Variants in ACSM3 observed in about 807,000 individuals in gnomAD.
ACSM3 encodes acyl-coenzyme A synthetase ACSM3, mitochondrial.
ACSM3 carries 61 observed loss-of-function variants against 74.1 expected under a neutral mutation model. The ratio of observed to expected loss-of-function variants is 0.82; its 90% CI spans 0.67 to 1.02. The LOEUF (loss-of-function observed/expected upper bound fraction) is 1.02. Among genes scored for constraint, ACSM3 ranks in the 50% least tolerant of loss-of-function variants. ACSM3 has a pLI of 0.00. For missense variants in ACSM3, 660 were observed against 697.0 expected (o/e 0.95, Z 0.60); for synonymous variants, 213 against 241.5 (o/e 0.88, Z 1.09).
intron 10 of ACSM3, 114 bp from the exon 11 acceptor site, chr16:20,791,888 A>G: frequency 1.6e-6 from 2 of 1,250,014 alleles, no homozygotes; most frequent in Non-Finnish European, 1.1e-6. Flanking sequence ...AGATCGTACT[A>G]CTGCACTCCA....
intron 1 of ACSM3, chr16:20,733,781 A>T (rs1324784758): frequency 6.6e-6 from 1 of 152,150 alleles, no homozygotes; most frequent in African/African-American, 2.4e-5. Flanking sequence ...TTTGAAAACC[A>T]AGTTTAACCT....
chr16:20,735,089 T>C (rs1199250099), intron 1 of ACSM3: 3 of 152,260 alleles, frequency 2.0e-5, no homozygotes, highest in Non-Finnish European at 2.9e-5. Flanking sequence ...AGTTTCCTTT[T>C]AGATCTAAGA....
At chr16:20,792,528 GACAA>G (rs2080626390) in intron 12 of ACSM3, 193 bp downstream of exon 12, 1 of 985,046 alleles carries the variant, frequency 1.0e-6, no homozygotes. Flanking sequence ...GATCCTAACA[GACAA>G]ACAAAATAAG....
chr16:20,697,239 A>AT (rs915018773), intron 1 of ACSM3, among the ~76,000 whole-genome samples: 4 of 151,792 alleles, frequency 2.6e-5, no homozygotes, highest in African/African-American at 9.7e-5. Context: ...TGCTTGGATA[A>AT]TTTTTTTTAG....
At chr16:20,702,711 T>C (rs35974780) in intron 1 of ACSM3, 19,850 of 152,220 alleles carry the variant, frequency 0.13, 1,368 homozygotes, top group East Asian at 0.21. Context: ...TTCTGGATAT[T>C]AGCCATTTGT....
chr16:20,784,966 A>G lies in ACSM3; in HGVS notation c.1020-18A>G. The G allele has an allele frequency of 6.9e-6, 11 of 1,602,626 alleles. No homozygotes were observed. Among genetic ancestry groups the G allele is most frequent in the Non-Finnish European group, 9.4e-6 (11 of 1,175,890 alleles). On this transcript the variant is annotated intron_variant, in intron 7 of 13. Transcript: ENST00000289416. ...CCATTTTTCCTCCTAAATCTAACTT[A>G]TCTGGTTTTCTGAGAAGCTATAAGT...
intron 12 of ACSM3, 160 bp from the exon 13 acceptor site, chr16:20,796,210 G>A: frequency 2.4e-6 from 3 of 1,262,630 alleles, no homozygotes; most frequent in Non-Finnish European, 3.2e-6. Flanking sequence ...GTACAGACCA[G>A]GAAGTGGCTG....
In ACSM3 at chr16:20,797,499, GT is replaced by G. The variant is rs1325453000; in HGVS notation, c.*530del. 1 of 1,133,046 alleles carries G rather than the reference GT, an allele frequency of 8.8e-7. No individual in the cohort carries two copies. Among genetic ancestry groups the G allele is most frequent in the Non-Finnish European group, 1.1e-6 (1 of 924,854 alleles). The allele number at this position is 1,133,046 out of a possible 1,614,324, so 70.2% of individuals were successfully genotyped here. A position where few individuals can be genotyped will look rare whatever the true frequency, so the allele number is the denominator to read the frequency against. ...AATAATTTAAAAATAGTTTAGACTT[GT>G]TTCAAGGTCTAACTATAAAAGAAGG... On this transcript the variant is annotated 3_prime_UTR_variant, in exon 14 of 14. Coordinates refer to ENST00000289416, the MANE Select transcript of ACSM3 (RefSeq NM_005622.4).
chr16:20,789,058 G>GATTT (rs2080536032), intron 9 of ACSM3, among the ~76,000 whole-genome samples: 1 of 152,136 alleles, frequency 6.6e-6, no homozygotes, highest in Non-Finnish European at 1.5e-5. Context: ...GCAGAATTTT[G>GATTT]ATACTTAGAA....
At chr16:20,678,423 G>T (rs2079357897) in intron 1 of ACSM3, among the ~76,000 whole-genome samples, 1 of 152,044 alleles carries the variant, frequency 6.6e-6, no homozygotes, top group African/African-American at 2.4e-5. Context: ...CCATGACAAG[G>T]GCTTACTCCA....
intron 1 of ACSM3, among the ~76,000 whole-genome samples, chr16:20,687,456 A>C (rs961706400): frequency 6.6e-6 from 1 of 152,194 alleles, no homozygotes; most frequent in African/African-American, 2.4e-5. Flanking sequence ...AAGCCTTCAC[A>C]CTATGAAGAT....
intron 1 of ACSM3, among the ~76,000 whole-genome samples, chr16:20,688,311 C>T (rs766726817): frequency 6.6e-6 from 1 of 151,954 alleles, no homozygotes; most frequent in Non-Finnish European, 1.5e-5. Context: ...AATTATAGGA[C>T]ACTATCAAGC....
At position 20,677,367 on chromosome 16, in the gene ACSM3, C is replaced by G. The variant is rs1288542347; in HGVS notation, c.-190+2545C>G. ...TCAAGCCATAAGGTCATGGCATCAC[C>G]CAGTGACATACTTATCCAGGCAATT... is the stretch of plus-strand genomic sequence containing the variant. On this transcript the variant is annotated intron_variant, in intron 1 of 3. Coordinates refer to the ACSM3 transcript ENST00000561584. Among the ~76,000 whole-genome samples, 3 of 152,136 alleles carry G rather than the reference C, an allele frequency of 2.0e-5. No individual in the cohort carries two copies. The East Asian group carries it at 5.8e-4, about 29-fold the overall frequency.
At chr16:20,765,362 A>C (rs1343132495) in intron 1 of ACSM3, among the ~76,000 whole-genome samples, 2 of 152,208 alleles carry the variant, frequency 1.3e-5, no homozygotes, top group African/African-American at 2.4e-5. Flanking sequence ...GTTTTGATGA[A>C]GAGGATGTCG....
chr16:20,710,582 C>T (rs1034217116), intron 1 of ACSM3, among the ~76,000 whole-genome samples: 4 of 151,980 alleles, frequency 2.6e-5, no homozygotes, highest in Non-Finnish European at 4.4e-5. Context: ...TGGGCTCAAG[C>T]GACCCTCCCA....
chr16:20,699,495 A>G (rs2079707171), intron 1 of ACSM3, among the ~76,000 whole-genome samples: 1 of 152,198 alleles, frequency 6.6e-6, no homozygotes, highest in South Asian at 2.1e-4. Flanking sequence ...TGGAGAGGTG[A>G]GAAGGCAGGG....
intron 1 of ACSM3, chr16:20,682,326 AGG>A (rs2152311033): frequency 1.2e-6 from 2 of 1,613,958 alleles, no homozygotes; most frequent in Non-Finnish European, 1.7e-6. Flanking sequence ...GTTTTCAGAG[AGG>A]GGCACTGAGA....
At chr16:20,767,190 A>G (rs2080135946) in intron 1 of ACSM3, among the ~76,000 whole-genome samples, 1 of 152,188 alleles carries the variant, frequency 6.6e-6, no homozygotes. Flanking sequence ...AGAGGAGAGC[A>G]GCCAAAAGCA....
intron 1 of ACSM3, chr16:20,681,295 A>G (rs1663785343): frequency 6.6e-6 from 1 of 152,250 alleles, no homozygotes. Flanking sequence ...CCTCTGAAGG[A>G]AGAGTATGTG....
Sources: allele counts gnomAD v4.1 joint callset (sites outside exome capture counted in the v4.1 genomes callset), GRCh38; gene constraint gnomAD v4.1.1; transcripts MANE v1.5; gene names NCBI Gene and HGNC (gene_info 2026-07-23, HGNC 2026-07-21).